Variants in COL4A2 observed in about 807,000 individuals in gnomAD.
COL4A2 encodes the protein collagen type IV alpha 2 chain, also known as collagen alpha-2(IV) chain.
A neutral mutation model predicts 200.2 loss-of-function variants in COL4A2; 99 were observed. The observed-to-expected ratio is 0.49, with a 90% CI of 0.42 to 0.58. COL4A2 has a LOEUF of 0.58. Among genes scored for constraint, COL4A2 ranks in the 20% least tolerant of loss-of-function variants. COL4A2 has a pLI of 0.00. For synonymous variants in COL4A2, 897 were observed against 900.6 expected, an observed-to-expected ratio of 1.00 and a Z score of 0.07; for missense variants, 1,950 against 2,314.1, an observed-to-expected ratio of 0.84 and a Z score of 3.23.
At chr13:110,333,358 C>T (rs1385348707) in intron 3 of COL4A2, among the ~76,000 whole-genome samples, 2 of 152,188 alleles carry the variant, frequency 1.3e-5, no homozygotes, top group African/African-American at 4.8e-5. Context: ...TGTCCTGGGA[C>T]CCAGTGTCCA....
chr13:110,436,403 TAAA>T (rs760723406), intron 13 of COL4A2, 36 bp downstream of exon 13: 5 of 1,591,928 alleles, frequency 3.1e-6, no homozygotes, highest in Admixed American at 1.8e-5. Flanking sequence ...ATAGTTGAAA[TAAA>T]AAAAGGAGAG....
chr13:110,412,682 G>A (rs1190994034), intron 4 of COL4A2, among the ~76,000 whole-genome samples: 2 of 152,164 alleles, frequency 1.3e-5, no homozygotes, highest in Non-Finnish European at 2.9e-5. Context: ...AATTGCTTAC[G>A]CAGGTCTGGC....
At chr13:110,410,369 A>G (rs79625369) in intron 4 of COL4A2, among the ~76,000 whole-genome samples, 15,984 of 152,240 alleles carry the variant, frequency 0.1, 1,236 homozygotes, top group East Asian at 0.36. Context: ...AGTTGCTGCT[A>G]ACATCCTGAG....
chr13:110,465,747 A>G, intron 25 of COL4A2, 141 bp downstream of exon 25: 6 of 901,422 alleles, frequency 6.7e-6, no homozygotes, highest in Non-Finnish European at 1.0e-5. Flanking sequence ...GGGATGACCC[A>G]ACTGTGAGGT....
chr13:110,453,987 T>C (rs1881630211), intron 20 of COL4A2, among the ~76,000 whole-genome samples: 1 of 152,228 alleles, frequency 6.6e-6, no homozygotes, highest in Non-Finnish European at 1.5e-5. Context: ...GTTAACTACA[T>C]TTCATCCTGT....
rs1877326612 is a variant in COL4A2, at chr13:110,357,459, T to G, written c.100-13T>G. ...TAGGTAACTTTTCTTTGCCTTGTGT[T>G]TTATTGTTGCAGGGTGTGAAGAAGT... On this transcript the variant is annotated splice_polypyrimidine_tract_variant and intron_variant, in intron 3 of 47. Transcript: ENST00000360467. 1 of 1,579,196 alleles carries G rather than the reference T, an allele frequency of 6.3e-7. No homozygotes were observed. Among genetic ancestry groups the G allele is most frequent in the African/African-American group, 1.4e-5 (1 of 73,942 alleles).
At chr13:110,419,988 G>A (rs1880185557) in intron 4 of COL4A2, among the ~76,000 whole-genome samples, 1 of 152,200 alleles carries the variant, frequency 6.6e-6, no homozygotes, top group African/African-American at 2.4e-5. Context: ...ATGCCAGGAT[G>A]GGGGTTATGG....
chr13:110,317,228 C>T (rs202032088), intron 3 of COL4A2, among the ~76,000 whole-genome samples: 2 of 145,722 alleles, frequency 1.4e-5, no homozygotes, highest in African/African-American at 5.1e-5. Flanking sequence ...CACACACAGA[C>T]ACACACATGT....
chr13:110,425,908 G>A (rs1048341218), intron 6 of COL4A2, among the ~76,000 whole-genome samples: 10 of 152,162 alleles, frequency 6.6e-5, no homozygotes, highest in African/African-American at 1.9e-4. Flanking sequence ...GGAGACATCC[G>A]CAGAGCAGAA....
chr13:110,363,213 C>A (rs573510284), intron 4 of COL4A2, among the ~76,000 whole-genome samples: 2 of 152,280 alleles, frequency 1.3e-5, no homozygotes, highest in African/African-American at 4.8e-5. Context: ...CCCACAGTGC[C>A]CCCTGTGGCC....
At chr13:110,468,165 AG>A in intron 27 of COL4A2, 1 of 471,244 alleles carries the variant, frequency 2.1e-6, no homozygotes, top group South Asian at 1.5e-5. Flanking sequence ...CTGCACCTTA[AG>A]GGGGTCTTCG....
At chr13:110,394,658 A>G (rs1268713568) in intron 4 of COL4A2, among the ~76,000 whole-genome samples, 1 of 152,106 alleles carries the variant, frequency 6.6e-6, no homozygotes, top group African/African-American at 2.4e-5. Flanking sequence ...TCGCCTTGCC[A>G]TTTGCCACGC....
intron 4 of COL4A2, among the ~76,000 whole-genome samples, chr13:110,379,101 G>C (rs572482655): frequency 2.6e-5 from 4 of 152,340 alleles, no homozygotes; most frequent in African/African-American, 7.2e-5. Context: ...CTGCACCAGG[G>C]CTTCTTGAAA....
chr13:110,476,223 CTG>C (rs1204451318), intron 29 of COL4A2, among the ~76,000 whole-genome samples: 1 of 51,502 alleles, frequency 1.9e-5, no homozygotes, highest in African/African-American at 6.2e-5. Flanking sequence ...CCTGCCATCG[CTG>C]CGAATCCTTT....
rs376005921 is a variant in COL4A2, at chr13:110,462,178, C to T, written c.1661C>T (p.Thr554Ile). Reference sequence around the variant, plus strand: ...GCAAAAGGAGATTCCAGAACAATCACAACCAAAGGTGAGTTCCTCTCTGGC... The same window carrying T: ...GCAAAAGGAGATTCCAGAACAATCATAACCAAAGGTGAGTTCCTCTCTGGC... ...KGAKGDSRTI[T>I]TKGERGQPGV... is the part of the protein sequence containing the mutation. Residue 554 changes from threonine to isoleucine, a missense_variant, in exon 23 of 48, where the codon ACA (threonine) becomes ATA (isoleucine). Transcript: ENST00000360467. The T allele has an allele frequency of 2.3e-5, 37 of 1,614,138 alleles. No individual in the cohort carries two copies. The highest frequency in any genetic ancestry group is 5.0e-5 in the Admixed American group (3 of 60,012).
At chr13:110,409,110 AAC>A (rs200553366) in intron 4 of COL4A2, among the ~76,000 whole-genome samples, 12 of 67,560 alleles carry the variant, frequency 1.8e-4, no homozygotes, top group East Asian at 2.6e-3. Context: ...ACATACACAT[AAC>A]ACACATATAC....
rs530933085 is a variant in COL4A2 at position 110,321,225 on chromosome 13, TACAC to T, written c.99+13116_99+13119del. 3.7e-4 allele frequency among the ~76,000 whole-genome samples: 53 copies of T among 143,604 alleles called. No individual in the cohort carries two copies. The East Asian group carries it at 8.2e-3, about 22-fold the overall frequency. The allele number at this position is 143,604 out of a possible 152,430, so 94.2% of individuals were successfully genotyped here. ...GTCTGTGTGTATATATATATATATA[TACAC>T]ACACACACACACATAGAGAGTGTAC... On this transcript the variant is annotated intron_variant, in intron 3 of 47. Coordinates refer to ENST00000360467, the MANE Select transcript of COL4A2 (RefSeq NM_001846.4).
chr13:110,337,369 G>A lies in COL4A2; in HGVS notation c.100-20103G>A, dbSNP rs149617831. On this transcript the variant is annotated intron_variant, in intron 3 of 47. Coordinates refer to ENST00000360467, the MANE Select transcript of COL4A2 (RefSeq NM_001846.4). ...TCCTAACTAATAAGTGCCAGTGAGG[G>A]CTCAACAGCTGATGGGCAGTGGAGT... 1.2e-3 allele frequency among the ~76,000 whole-genome samples: 186 copies of A among 152,372 alleles called. 2 individuals are homozygous for A. In the East Asian group the frequency reaches 0.032, roughly 26 times the overall value.
intron 3 of COL4A2, among the ~76,000 whole-genome samples, chr13:110,310,985 G>A (rs1467760091): frequency 2.0e-5 from 3 of 152,182 alleles, no homozygotes; most frequent in Admixed American, 6.5e-5. Context: ...CCTCCACACC[G>A]AGCTTCCCAG....
Sources: gnomAD v4.1 joint callset for allele counts (sites outside exome capture counted in the v4.1 genomes callset) on GRCh38, gnomAD v4.1.1 for gene constraint, MANE v1.5 for transcripts, NCBI Gene and HGNC (gene_info 2026-07-23, HGNC 2026-07-21) for gene names.